The following NEGR1 variants were observed in gnomAD, a reference collection of about 807,000 sequenced individuals.
NEGR1 encodes IgLON family member 4.
Under a neutral mutation model 40.9 loss-of-function variants are expected in NEGR1, and 10 were observed. The observed-to-expected ratio is 0.24, with a 90% CI of 0.15 to 0.42. The LOEUF is 0.42. Among genes scored for constraint, NEGR1 ranks in the 10% least tolerant of loss-of-function variants. The pLI, the probability that NEGR1 is intolerant of heterozygous loss-of-function variation, is 1.00. For synonymous variants in NEGR1, 185 were observed against 166.8 expected (o/e 1.11, Z -0.84); for missense variants, 352 against 438.9 (o/e 0.80, Z 1.77).
chr1:71,788,628 T>C (rs1424094942), intron 2 of NEGR1, among the ~76,000 whole-genome samples: 1 of 152,062 alleles, frequency 6.6e-6, no homozygotes, highest in Non-Finnish European at 1.5e-5. Flanking sequence ...TTAAATATTA[T>C]ATATTGCCTT....
chr1:71,652,444 G>T (rs915771416), intron 4 of NEGR1, among the ~76,000 whole-genome samples: 5 of 152,088 alleles, frequency 3.3e-5, no homozygotes, highest in African/African-American at 1.2e-4. Flanking sequence ...TATAAATAAA[G>T]TTATATGGAA....
intron 6 of NEGR1, among the ~76,000 whole-genome samples, chr1:71,466,305 T>G (rs563270649): frequency 6.6e-6 from 1 of 152,172 alleles, no homozygotes; most frequent in Admixed American, 6.6e-5. Context: ...AAGAATGTGT[T>G]TAGTATATTT....
In NEGR1 at chr1:71,683,964, T is replaced by C. The variant is rs1300042065; in HGVS notation, c.667+14044A>G. ...CTGTAGATGAACAATGTTTACTGTC[T>C]GAGGATACAAGATTTAAAATGCGGG... On this transcript the variant is annotated intron_variant, in intron 4 of 6. Transcript: ENST00000357731. Among the ~76,000 whole-genome samples, 3 of 152,218 alleles carry C rather than the reference T, an allele frequency of 2.0e-5. No homozygotes were observed. In the East Asian group the frequency reaches 5.8e-4, roughly 29 times the overall value.
chr1:71,646,983 C>T (rs1651552261), intron 4 of NEGR1, among the ~76,000 whole-genome samples: 1 of 151,830 alleles, frequency 6.6e-6, no homozygotes, highest in Non-Finnish European at 1.5e-5. Context: ...TATGGTATCT[C>T]ACCTTAGGTA....
At chr1:71,567,911 A>T (rs1009181016) in intron 6 of NEGR1, among the ~76,000 whole-genome samples, 2 of 151,960 alleles carry the variant, frequency 1.3e-5, no homozygotes, top group Non-Finnish European at 2.9e-5. Flanking sequence ...ACCAGAAGTT[A>T]GCAACCTGGA....
chr1:72,169,020 C>A, intron 1 of NEGR1, among the ~76,000 whole-genome samples: 1 of 152,022 alleles, frequency 6.6e-6, no homozygotes, highest in South Asian at 2.1e-4. Flanking sequence ...AAATAATTAG[C>A]GTGAACCAGA....
intron 2 of NEGR1, among the ~76,000 whole-genome samples, chr1:71,856,244 T>C (rs12027233): frequency 0.4 from 61,185 of 151,756 alleles, 12,473 homozygotes; most frequent in East Asian, 0.58. Context: ...CATAAGGAAA[T>C]ATAAGTTTAT....
At chr1:71,921,880 T>C (rs1043910370) in intron 2 of NEGR1, among the ~76,000 whole-genome samples, 1 of 151,858 alleles carries the variant, frequency 6.6e-6, no homozygotes, top group African/African-American at 2.4e-5. Context: ...TATGTGCAGA[T>C]TTTTGACTGT....
chr1:72,087,474 T>C lies in NEGR1; in HGVS notation c.177-152163A>G, dbSNP rs183472561. On this transcript the variant is annotated intron_variant, in intron 1 of 6. Transcript: ENST00000357731. ...TATATATTATTACTTAACCTCAGTATAGCAAAACTATAGGCAGGATGCAGG... is the reference window on the plus strand; with the variant it reads ...TATATATTATTACTTAACCTCAGTACAGCAAAACTATAGGCAGGATGCAGG... Among the ~76,000 whole-genome samples, 214 of 151,486 alleles carry C rather than the reference T, an allele frequency of 1.4e-3. 1 individual carries two copies. The highest frequency in any genetic ancestry group is 5.0e-3 in the African/African-American group (208 of 41,412).
chr1:72,142,750 T>G (rs1398599701), intron 1 of NEGR1, among the ~76,000 whole-genome samples: 12 of 149,452 alleles, frequency 8.0e-5, no homozygotes, highest in Admixed American at 4.7e-4. Flanking sequence ...TTAGTTTTTG[T>G]TTTTTTGTTT....
intron 1 of NEGR1, among the ~76,000 whole-genome samples, chr1:72,112,341 G>A (rs559114420): frequency 7.3e-5 from 11 of 150,490 alleles, no homozygotes; most frequent in African/African-American, 2.7e-4. Flanking sequence ...AATAATCAGA[G>A]TTCTTCGTTT....
chr1:72,250,834 G>A lies in NEGR1; in HGVS notation c.176+31485C>T, dbSNP rs142630435. On this transcript the variant is annotated intron_variant, in intron 1 of 6. Transcript: ENST00000357731. Reference sequence around the variant, plus strand: ...TGATTTTCCCTGCCAGCAGCAATCCGCAATAGGGCTGTATCTATACAGCCT... The same window carrying A: ...TGATTTTCCCTGCCAGCAGCAATCCACAATAGGGCTGTATCTATACAGCCT... Among the ~76,000 whole-genome samples the A allele has an allele frequency of 5.1e-3, 771 of 152,198 alleles. 5 individuals are homozygous for A. Among genetic ancestry groups the A allele is most frequent in the African/African-American group, 0.018 (734 of 41,544 alleles).
intron 3 of NEGR1, among the ~76,000 whole-genome samples, chr1:71,728,648 C>T (rs1195864630): frequency 6.6e-6 from 1 of 152,100 alleles, no homozygotes; most frequent in Non-Finnish European, 1.5e-5. Flanking sequence ...GATTTTTAGA[C>T]AATTTTCATA....
intron 2 of NEGR1, 105 bp downstream of exon 2, chr1:71,934,974 C>A (rs951229373): frequency 1.4e-6 from 1 of 690,614 alleles, no homozygotes; most frequent in African/African-American, 1.8e-5. Context: ...TCAATGACAA[C>A]AAATATTTCA....
intron 1 of NEGR1, among the ~76,000 whole-genome samples, chr1:72,042,448 T>C (rs2630388): frequency 0.35 from 53,247 of 151,734 alleles, 11,576 homozygotes; most frequent in African/African-American, 0.61. Flanking sequence ...TGATTACTCT[T>C]CAAGCAGAAT....
intron 2 of NEGR1, among the ~76,000 whole-genome samples, chr1:71,843,029 T>C (rs1659296109): frequency 6.6e-6 from 1 of 152,212 alleles, no homozygotes; most frequent in African/African-American, 2.4e-5. Flanking sequence ...TTTTTGATTT[T>C]GTGAAATTAT....
At chr1:71,914,551 T>C (rs529152059) in intron 2 of NEGR1, among the ~76,000 whole-genome samples, 1 of 152,336 alleles carries the variant, frequency 6.6e-6, no homozygotes, top group African/African-American at 2.4e-5. Flanking sequence ...CTGTTGTCAC[T>C]CCCATTTACC....
chr1:71,529,963 A>C (rs1033279980), intron 6 of NEGR1, among the ~76,000 whole-genome samples: 1 of 151,230 alleles, frequency 6.6e-6, no homozygotes, highest in Non-Finnish European at 1.5e-5. Flanking sequence ...TATATAAAGC[A>C]TAAGTTATGA....
chr1:71,426,927 A>T (rs1027573508), intron 6 of NEGR1, among the ~76,000 whole-genome samples: 1 of 152,162 alleles, frequency 6.6e-6, no homozygotes, highest in Admixed American at 6.6e-5. Flanking sequence ...TGAAAATCCC[A>T]TATCAAAGAA....
Sources: allele counts gnomAD v4.1 joint callset (sites outside exome capture counted in the v4.1 genomes callset), GRCh38; gene constraint gnomAD v4.1.1; transcripts MANE v1.5; gene names NCBI Gene and HGNC (gene_info 2026-07-23, HGNC 2026-07-21).